The following NHLRC2 variants were observed in gnomAD, a reference collection of about 807,000 sequenced individuals.
NHLRC2 encodes NHL repeat-containing protein 2.
NHLRC2 carries 33 observed loss-of-function variants against 68.1 expected under a neutral mutation model. That is an observed-to-expected ratio of 0.48 (90% CI 0.37 to 0.65). The LOEUF (loss-of-function observed/expected upper bound fraction) is 0.65. Ranked by LOEUF, NHLRC2 falls within the 30% of genes least tolerant of loss-of-function variation. The pLI, the probability that NHLRC2 is intolerant of heterozygous loss-of-function variation, is 0.00. For missense variants in NHLRC2, 761 were observed against 853.8 expected, an observed-to-expected ratio of 0.89 and a Z score of 1.35; for synonymous variants, 311 against 309.6, an observed-to-expected ratio of 1.00 and a Z score of -0.05.
intron 6 of NHLRC2, among the ~76,000 whole-genome samples, chr10:113,899,474 A>G (rs1846209467): frequency 6.6e-6 from 1 of 152,192 alleles, no homozygotes. Flanking sequence ...TTAATCGTTT[A>G]GCAAATATTT....
chr10:113,879,766 TTTGAAG>T, intron 4 of NHLRC2, 71 bp downstream of exon 4: 1 of 1,039,338 alleles, frequency 9.6e-7, no homozygotes, highest in Non-Finnish European at 1.4e-6. Context: ...ACATTAAATA[TTTGAAG>T]TTAAAGCGTG....
At chr10:113,863,693 A>G (rs894402364) in intron 2 of NHLRC2, among the ~76,000 whole-genome samples, 3 of 152,148 alleles carry the variant, frequency 2.0e-5, no homozygotes, top group East Asian at 3.9e-4. Context: ...TTGGTTCTCT[A>G]AAAGTACCAG....
At chr10:113,892,760 C>G (rs1194701718) in intron 5 of NHLRC2, among the ~76,000 whole-genome samples, 1 of 151,954 alleles carries the variant, frequency 6.6e-6, no homozygotes, top group African/African-American at 2.4e-5. Context: ...GACTCTGGAG[C>G]CAGACCAGCT....
intron 6 of NHLRC2, among the ~76,000 whole-genome samples, chr10:113,900,983 A>G (rs145010912): frequency 2.0e-3 from 304 of 152,312 alleles, no homozygotes; most frequent in African/African-American, 7.1e-3. Flanking sequence ...ACCAGGATCT[A>G]AAGCTTTCTC....
chr10:113,904,757 C>G (rs1846259548), intron 9 of NHLRC2, 60 bp from the exon 10 acceptor site: 1 of 1,241,116 alleles, frequency 8.1e-7, no homozygotes, highest in Non-Finnish European at 1.2e-6. Context: ...AAAATATGCT[C>G]TCATTCTATA....
chr10:113,874,520 G>A (rs1256217140), intron 2 of NHLRC2, among the ~76,000 whole-genome samples: 1 of 149,188 alleles, frequency 6.7e-6, no homozygotes, highest in Non-Finnish European at 1.5e-5. Flanking sequence ...TCAGCAGTTT[G>A]TTTATGATGT....
chr10:113,895,257 A>C (rs1452774536), intron 5 of NHLRC2, among the ~76,000 whole-genome samples: 1 of 152,164 alleles, frequency 6.6e-6, no homozygotes, highest in Non-Finnish European at 1.5e-5. Context: ...GGGAAAGTTT[A>C]CTCATTCAAC....
intron 5 of NHLRC2, among the ~76,000 whole-genome samples, chr10:113,886,536 A>G (rs4323816): frequency 0.83 from 126,528 of 152,126 alleles, 52,768 homozygotes; most frequent in East Asian, 0.94. Context: ...AAAAACACAC[A>G]TATCAACCAA....
intron 1 of NHLRC2, 123 bp from the exon 2 acceptor site, chr10:113,858,405 G>A (rs1845781695): frequency 3.1e-6 from 2 of 635,402 alleles, no homozygotes; most frequent in Non-Finnish European, 5.5e-6. Context: ...TTTATATGGT[G>A]CTACTCTCTC....
chr10:113,879,538 A>C (rs767707676), intron 3 of NHLRC2, 36 bp from the exon 4 acceptor site: 6 of 1,554,742 alleles, frequency 3.9e-6, no homozygotes, highest in Non-Finnish European at 5.2e-6. Context: ...TTACCTTGAG[A>C]TCACTTCTTA....
chr10:113,901,920 A>G (rs777082375), intron 7 of NHLRC2, 23 bp downstream of exon 7: 18 of 1,495,224 alleles, frequency 1.2e-5, no homozygotes, highest in East Asian at 2.3e-5. Flanking sequence ...ACTCTTGCAC[A>G]GTGCGCTCGG....
At chr10:113,892,337 C>T (rs1024647545) in intron 5 of NHLRC2, among the ~76,000 whole-genome samples, 1 of 152,098 alleles carries the variant, frequency 6.6e-6, no homozygotes, top group African/African-American at 2.4e-5. Context: ...CAGCCTCTGT[C>T]ATTGTCGTTT....
At position 113,909,337 on chromosome 10, in the gene NHLRC2, A is replaced by G. The variant is rs955897726; in HGVS notation, c.*801A>G. ...AAAGGGACTTTAGGACACATTACTT[A>G]GTGTCTGTGATAAATAATTTATTGT... On this transcript the variant is annotated 3_prime_UTR_variant, in exon 11 of 11. Coordinates refer to ENST00000369301, the MANE Select transcript of NHLRC2 (RefSeq NM_198514.4). The G allele has an allele frequency of 1.4e-4, 22 of 152,184 alleles. No homozygotes were observed. The highest frequency in any genetic ancestry group is 4.8e-4 in the African/African-American group (20 of 41,460). 9.4% of individuals were successfully genotyped at this position (152,184 alleles called of 1,614,324 possible).
At chr10:113,894,676 G>A (rs1251079979) in intron 5 of NHLRC2, among the ~76,000 whole-genome samples, 1 of 151,936 alleles carries the variant, frequency 6.6e-6, no homozygotes, top group Non-Finnish European at 1.5e-5. Flanking sequence ...GTAGGATTTT[G>A]TTCTTAAGTA....
intron 5 of NHLRC2, among the ~76,000 whole-genome samples, chr10:113,897,894 G>A (rs1384638622): frequency 6.6e-6 from 1 of 152,210 alleles, no homozygotes; most frequent in Admixed American, 6.5e-5. Flanking sequence ...TTGGATTCCT[G>A]TGAAATTGTT....
rs1846182733 is a variant in NHLRC2, at chr10:113,896,895, G to A, written c.1040-1215G>A. 3.3e-5 allele frequency among the ~76,000 whole-genome samples: 5 copies of A among 151,844 alleles called. No homozygotes were observed. In the South Asian group the frequency reaches 1.0e-3, roughly 32 times the overall value. On this transcript the variant is annotated intron_variant, in intron 5 of 10. Transcript: ENST00000369301. Reference sequence around the variant, plus strand: ...TGTAGTCCCAGCTACTCGGGAGGCTGAGGCAGGAGAATGGCATGAACCTGG... The same window carrying A: ...TGTAGTCCCAGCTACTCGGGAGGCTAAGGCAGGAGAATGGCATGAACCTGG...
chr10:113,906,579 A>G (rs1286761726), intron 10 of NHLRC2, among the ~76,000 whole-genome samples: 3 of 151,426 alleles, frequency 2.0e-5, no homozygotes, highest in African/African-American at 7.3e-5. Flanking sequence ...CATGTGTTGT[A>G]ACTTCACAAA....
At position 113,904,833 on chromosome 10, in the gene NHLRC2, C is replaced by A. The variant is rs1213487852; in HGVS notation, c.1721C>A (p.Ser574Tyr). The change falls in exon 10 of 11, where the codon TCT becomes TAT. Residue 574 changes from serine to tyrosine, a missense_variant. Transcript: ENST00000369301. ...KMVSVLPIFR[S>Y]ENAVVDGPFL... ...ATTTCCTAGCTCCCCATCTTCAGAT[C>A]TGAAAATGCTGTGGTAGATGGCCCG... is the stretch of plus-strand genomic sequence containing the variant. 6.2e-7 allele frequency: 1 copy of A among 1,613,294 alleles called. No homozygotes were observed. Among genetic ancestry groups the A allele is most frequent in the Non-Finnish European group, 8.5e-7 (1 of 1,179,328 alleles).
intron 10 of NHLRC2, among the ~76,000 whole-genome samples, chr10:113,906,326 C>T (rs1409270232): frequency 1.3e-5 from 2 of 151,880 alleles, no homozygotes; most frequent in Admixed American, 1.3e-4. Context: ...CTAATTTGTC[C>T]AAGATATGGG....
Sources: gnomAD v4.1 joint callset for allele counts (sites outside exome capture counted in the v4.1 genomes callset) on GRCh38, gnomAD v4.1.1 for gene constraint, MANE v1.5 for transcripts, NCBI Gene and HGNC (gene_info 2026-07-23, HGNC 2026-07-21) for gene names.